Variants in PDXK observed in about 807,000 individuals in gnomAD.
The protein encoded by PDXK is pyridoxal kinase, also known as epididymis secretory sperm binding protein Li 1a.
In PDXK, 15 loss-of-function variants were observed where a neutral mutation model predicts 43.2. The ratio of observed to expected loss-of-function variants is 0.35; its 90% CI spans 0.23 to 0.53. The LOEUF (loss-of-function observed/expected upper bound fraction) is 0.53. Among genes scored for constraint, PDXK ranks in the 20% least tolerant of loss-of-function variants. PDXK has a pLI of 0.92. For missense variants in PDXK, 343 were observed against 417.0 expected, an observed-to-expected ratio of 0.82 and a Z score of 1.54; for synonymous variants, 172 against 165.4, an observed-to-expected ratio of 1.04 and a Z score of -0.31.
chr21:43,741,568 A>C, intron 2 of PDXK, 99 bp from the exon 3 acceptor site: 1 of 1,549,378 alleles, frequency 6.5e-7, no homozygotes, highest in South Asian at 1.2e-5. Flanking sequence ...GGAGCCGTCC[A>C]CCAGGCAGCC....
Position 43,732,151 on chromosome 21 carries a change from C to T in PDXK, c.88-1918C>T, listed in dbSNP as rs1393589458. The T allele has an allele frequency of 1.4e-6, 2 of 1,386,054 alleles. No homozygotes were observed. The highest frequency in any genetic ancestry group is 1.9e-6 in the Non-Finnish European group (2 of 1,072,854). The allele number at this position is 1,386,054 out of a possible 1,614,324, so 85.9% of individuals were successfully genotyped here. On this transcript the variant is annotated intron_variant, in intron 1 of 10. Coordinates refer to ENST00000291565, the MANE Select transcript of PDXK (RefSeq NM_003681.5). This position sits in a 1 kb window ranked among gnomAD's most constrained non-coding sequence, Gnocchi z 4.1. Reference sequence around the variant, plus strand: ...ATTCTCTTCGCAGGCTTCAGTTTCACATTCTTGGTACCTCCTGGTGGTGCC... The same window carrying T: ...ATTCTCTTCGCAGGCTTCAGTTTCATATTCTTGGTACCTCCTGGTGGTGCC...
rs1252826064 is a variant in PDXK, at chr21:43,719,313, G to C, written c.19G>C (p.Val7Leu). 1 of 1,497,876 alleles carries C rather than the reference G, an allele frequency of 6.7e-7. No individual in the cohort carries two copies. Among genetic ancestry groups the C allele is most frequent in the Non-Finnish European group, 8.9e-7 (1 of 1,124,304 alleles). 92.8% of individuals were successfully genotyped at this position (1,497,876 alleles called of 1,614,324 possible). A position where few individuals can be genotyped will look rare whatever the true frequency, so the allele number is the denominator to read the frequency against. MEEECRVLSIQSHVIRG... is the reference protein window; with the variant it reads MEEECRLLSIQSHVIRG... ...GCCCGGCATGGAGGAGGAGTGCCGG[G>C]TGCTCTCCATACAGAGCCACGTCAT... is the stretch of plus-strand genomic sequence containing the variant. The change falls in exon 1 of 11, where the codon GTG becomes CTG. Residue 7 changes from valine (V) to leucine (L), a missense_variant. Physicochemically the swap from Val to Leu is conservative, Grantham distance 32. Coordinates refer to ENST00000291565, the MANE Select transcript of PDXK (RefSeq NM_003681.5).
rs1331566054 is a variant in PDXK, at chr21:43,732,309, G to C, written c.88-1760G>C. ...TCTGGGGTCCCAGGCTCCCGTCCTG[G>C]ACCTTGGCACCCCGCCCCCCGTGCA... is the stretch of plus-strand genomic sequence containing the variant. On this transcript the variant is annotated intron_variant, in intron 1 of 10. Coordinates refer to ENST00000291565, the MANE Select transcript of PDXK (RefSeq NM_003681.5). This position sits in a 1 kb window ranked among gnomAD's most constrained non-coding sequence, Gnocchi z 4.1. The C allele has an allele frequency of 1.6e-5, 26 of 1,601,196 alleles. No homozygotes were observed. The highest frequency in any genetic ancestry group is 2.1e-5 in the Non-Finnish European group (25 of 1,172,842).
intron 4 of PDXK, among the ~76,000 whole-genome samples, chr21:43,745,432 AAAAAG>A (rs2083621959): frequency 6.6e-6 from 1 of 151,792 alleles, no homozygotes; most frequent in South Asian, 2.1e-4. Context: ...AAAAAAAAAA[AAAAAG>A]AAAGCAGACT....
Position 43,743,800 on chromosome 21 carries a change from G to C in PDXK, c.324G>C (p.Leu108=). 2 of 1,611,870 alleles carry C rather than the reference G, an allele frequency of 1.2e-6. No homozygotes were observed. Among genetic ancestry groups the C allele is most frequent in the East Asian group, 4.5e-5 (2 of 44,846 alleles). ...AGCTGAAGCAGCAGAACCCCAGGCTGGTGTACGGTAGGCAGGGGCCCACCC... is the reference window on the plus strand; with the variant it reads ...AGCTGAAGCAGCAGAACCCCAGGCTCGTGTACGGTAGGCAGGGGCCCACCC... ...VQELKQQNPR[L]VYVCDPVLGD... is the part of the protein sequence containing the mutation. Residue 108 remains leucine, a synonymous_variant, in exon 4 of 11, where the codon CTG becomes CTC. Coordinates refer to ENST00000291565, the MANE Select transcript of PDXK (RefSeq NM_003681.5).
intron 2 of PDXK, among the ~76,000 whole-genome samples, chr21:43,736,151 C>G (rs1360306645): frequency 6.6e-6 from 1 of 152,196 alleles, no homozygotes; most frequent in African/African-American, 2.4e-5. Flanking sequence ...TCCCCCTACC[C>G]TCTGTCTAAG....
chr21:43,737,951 A>G lies in PDXK; in HGVS notation c.143-3716A>G, dbSNP rs540844997. On this transcript the variant is annotated intron_variant, in intron 2 of 10. Coordinates refer to ENST00000291565, the MANE Select transcript of PDXK (RefSeq NM_003681.5). This position sits in a 1 kb window ranked among gnomAD's most constrained non-coding sequence, Gnocchi z 4.8. Reference sequence around the variant, plus strand: ...ATCCCACAGTGGGCAGGAGGCCACCAAGAGGTGCAAGACCATGCCCTCTGT... The same window carrying G: ...ATCCCACAGTGGGCAGGAGGCCACCGAGAGGTGCAAGACCATGCCCTCTGT... 83 of 985,452 alleles carry G rather than the reference A, an allele frequency of 8.4e-5. No individual in the cohort carries two copies. The South Asian group carries it at 3.4e-3, about 40-fold the overall frequency. 61.0% of individuals were successfully genotyped at this position (985,452 alleles called of 1,614,324 possible). A position where few individuals can be genotyped will look rare whatever the true frequency, so the allele number is the denominator to read the frequency against.
chr21:43,730,811 C>G (rs927832071), intron 1 of PDXK, among the ~76,000 whole-genome samples: 5 of 152,088 alleles, frequency 3.3e-5, no homozygotes, highest in Admixed American at 3.3e-4. Flanking sequence ...AAAAATTAGC[C>G]AGGTGTGGCA....
intron 1 of PDXK, among the ~76,000 whole-genome samples, chr21:43,722,563 A>T (rs2083215116): frequency 6.6e-6 from 1 of 152,062 alleles, no homozygotes; most frequent in East Asian, 1.9e-4. Context: ...TGTAGCAGAA[A>T]TTCACCTCTC....
intron 1 of PDXK, among the ~76,000 whole-genome samples, chr21:43,722,603 G>C (rs571162688): frequency 2.0e-5 from 3 of 152,158 alleles, no homozygotes; most frequent in African/African-American, 7.2e-5. Flanking sequence ...TCTGAGACCA[G>C]GGTGTGGGCA....
At chr21:43,731,857 G>A (rs758464487) in intron 1 of PDXK, among the ~76,000 whole-genome samples, 69 of 152,228 alleles carry the variant, frequency 4.5e-4, no homozygotes, top group Non-Finnish European at 8.4e-4. Flanking sequence ...CACTGGTGTC[G>A]TGGAGGAGAC....
In PDXK at chr21:43,754,521, GTCT is replaced by G. The variant is rs1463343790; in HGVS notation, c.759+807_759+809del. On this transcript the variant is annotated intron_variant, in intron 9 of 10. Transcript: ENST00000291565. This position sits in a 1 kb window ranked among gnomAD's most constrained non-coding sequence, Gnocchi z 5.5. Reference sequence around the variant, plus strand: ...CTGAGTCCGAGGACGCCTGGAGTGTGTCTTCTTACAACACCGTCCAGAGCCGTG... The same window carrying G: ...CTGAGTCCGAGGACGCCTGGAGTGTGTCTTACAACACCGTCCAGAGCCGTG... Among the ~76,000 whole-genome samples the G allele has an allele frequency of 3.3e-5, 5 of 152,162 alleles. No individual in the cohort carries two copies. Among genetic ancestry groups the G allele is most frequent in the Non-Finnish European group, 5.9e-5 (4 of 68,016 alleles).
Position 43,734,507 on chromosome 21 carries a change from G to C in PDXK, c.142+384G>C, listed in dbSNP as rs1292409083. Among the ~76,000 whole-genome samples the C allele has an allele frequency of 6.6e-6, 1 of 152,228 alleles. No homozygotes were observed. The highest frequency in any genetic ancestry group is 1.5e-5 in the Non-Finnish European group (1 of 68,046). ...AATGCTTGGACCAATGCCTGGCTCA[G>C]AGCGCAGCCGTGTGACTCCTGCTGT... On this transcript the variant is annotated intron_variant, in intron 2 of 10. Transcript: ENST00000291565. The surrounding 1 kb of genome is among the most constrained non-coding windows in gnomAD (Gnocchi z 5.0).
chr21:43,746,237 C>T (rs1045662218), intron 5 of PDXK, 112 bp downstream of exon 5: 3 of 867,996 alleles, frequency 3.5e-6, no homozygotes, highest in Middle Eastern at 2.2e-4. Flanking sequence ...CTCCTCTGTC[C>T]AGGGGTAAAA....
intron 1 of PDXK, among the ~76,000 whole-genome samples, chr21:43,733,102 G>T (rs950850256): frequency 1.3e-5 from 2 of 152,308 alleles, no homozygotes; most frequent in Non-Finnish European, 1.5e-5. Flanking sequence ...GACTGCTAAC[G>T]TGTTTCATTA....
At chr21:43,749,980 G>A (rs2083705917) in intron 6 of PDXK, among the ~76,000 whole-genome samples, 1 of 152,284 alleles carries the variant, frequency 6.6e-6, no homozygotes, top group African/African-American at 2.4e-5. Flanking sequence ...GCTGGTGCCT[G>A]TCACAGCTTA....
At chr21:43,741,574 C>G in intron 2 of PDXK, 93 bp from the exon 3 acceptor site, 2 of 1,553,472 alleles carry the variant, frequency 1.3e-6, no homozygotes, top group Non-Finnish European at 1.7e-6. Flanking sequence ...GTCCACCAGG[C>G]AGCCTCAGGG....
chr21:43,744,817 G>A lies in PDXK; in HGVS notation c.331+1010G>A, dbSNP rs778107471. Among the ~76,000 whole-genome samples the A allele has an allele frequency of 2.0e-5, 3 of 152,316 alleles. No homozygotes were observed. In the East Asian group the frequency reaches 5.8e-4, roughly 29 times the overall value. On this transcript the variant is annotated intron_variant, in intron 4 of 10. Coordinates refer to ENST00000291565, the MANE Select transcript of PDXK (RefSeq NM_003681.5). Reference sequence around the variant, plus strand: ...CTCAAGCGGATGTGCGTATTCCCACGTCTATAGCAGCGTTGTTCCCAGTGA... The same window carrying A: ...CTCAAGCGGATGTGCGTATTCCCACATCTATAGCAGCGTTGTTCCCAGTGA...
intron 4 of PDXK, among the ~76,000 whole-genome samples, chr21:43,744,274 A>G (rs1031255114): frequency 1.3e-5 from 2 of 152,162 alleles, no homozygotes; most frequent in African/African-American, 4.8e-5. Flanking sequence ...GGAGTGGCCA[A>G]GTCTTTGGGG....
Sources: allele counts gnomAD v4.1 joint callset (sites outside exome capture counted in the v4.1 genomes callset), GRCh38; gene constraint gnomAD v4.1.1; non-coding constraint Gnocchi (gnomAD v3.1); transcripts MANE v1.5; gene names NCBI Gene and HGNC (gene_info 2026-07-23, HGNC 2026-07-21).